Variants in SLC25A12 observed in about 807,000 individuals in gnomAD.
The protein encoded by SLC25A12 is electrogenic aspartate/glutamate antiporter SLC25A12, mitochondrial.
Under a neutral mutation model 83.3 loss-of-function variants are expected in SLC25A12, and 32 were observed. The ratio of observed to expected loss-of-function variants is 0.38; its 90% CI spans 0.29 to 0.52. The LOEUF is 0.52. SLC25A12 is among the 20% of genes least tolerant of loss of function. The probability of loss-of-function intolerance (pLI) is 0.84; values close to 1 mark genes in which losing one functional copy is unlikely to be tolerated. For missense variants in SLC25A12, 611 were observed against 835.6 expected (o/e 0.73, Z 3.31); for synonymous variants, 267 against 291.1 (o/e 0.92, Z 0.84).
chr2:171,809,380 T>G, intron 13 of SLC25A12: 1 of 551,122 alleles, frequency 1.8e-6, no homozygotes, highest in South Asian at 2.1e-5. Context: ...TTTCCTGACT[T>G]TTTAATGATC....
chr2:171,787,620 C>G lies in SLC25A12; in HGVS notation c.1786G>C (p.Val596Leu), dbSNP rs1211044340. 6.2e-7 allele frequency: 1 copy of G among 1,614,102 alleles called. No individual in the cohort carries two copies. The highest frequency in any genetic ancestry group is 8.5e-7 in the Non-Finnish European group (1 of 1,180,030). The change falls in exon 17 of 18, where the codon GTC becomes CTC. Residue 596 changes from valine (V) to leucine (L), a missense_variant. Transcript: ENST00000422440. The stretch of plus-strand genomic sequence containing the variant: ...CACCGCTGGAGAAGTTCATAAGTGA[C>G]CAAGGTAACACCAAACTGGGGAGAG... The part of the protein sequence containing the change: ...RSSPQFGVTL[V>L]TYELLQRWFY...
intron 9 of SLC25A12, among the ~76,000 whole-genome samples, chr2:171,817,485 C>T (rs1684077803): frequency 1.3e-5 from 2 of 150,028 alleles, no homozygotes; most frequent in South Asian, 4.2e-4. Context: ...GCCTATAATC[C>T]CAGCTACTTG....
intron 11 of SLC25A12, among the ~76,000 whole-genome samples, chr2:171,812,354 T>C (rs1683963620): frequency 6.6e-6 from 1 of 152,140 alleles, no homozygotes; most frequent in Admixed American, 6.6e-5. Flanking sequence ...CAGTCTTTCT[T>C]AGGAAGATTT....
intron 6 of SLC25A12, among the ~76,000 whole-genome samples, chr2:171,835,364 T>G (rs926711971): frequency 6.6e-6 from 1 of 152,236 alleles, no homozygotes; most frequent in Non-Finnish European, 1.5e-5. Context: ...ACTGTTATAA[T>G]TAAAATACTT....
At chr2:171,843,761 A>ATAAAGAGGGAG (rs1423864943) in intron 5 of SLC25A12, among the ~76,000 whole-genome samples, 3 of 151,530 alleles carry the variant, frequency 2.0e-5, no homozygotes, top group African/African-American at 7.3e-5. Context: ...CAAGTCTGTG[A>ATAAAGAGGGAG]TAAAGAGGGA....
In SLC25A12 at chr2:171,798,958, T is replaced by C. The variant is rs1683656354; in HGVS notation, c.1306-5191A>G. Among the ~76,000 whole-genome samples, 3 of 152,318 alleles carry C rather than the reference T, an allele frequency of 2.0e-5. 1 individual carries two copies. The South Asian group carries it at 6.2e-4, about 32-fold the overall frequency. Reference sequence around the variant, plus strand: ...TGATTAAGTCATGATGGTTCTGCCCTAGTGAATGGGATTAGTGCCCTTATA... The same window carrying C: ...TGATTAAGTCATGATGGTTCTGCCCCAGTGAATGGGATTAGTGCCCTTATA... On this transcript the variant is annotated intron_variant, in intron 13 of 17. Coordinates refer to ENST00000422440, the MANE Select transcript of SLC25A12 (RefSeq NM_003705.5).
Position 171,815,775 on chromosome 2 carries a change from AG to A in SLC25A12, c.931-574del, listed in dbSNP as rs1335762189. On this transcript the variant is annotated intron_variant, in intron 9 of 17. Transcript: ENST00000422440. ...CACAGGTATCCCACAGCATAAAGAA[AG>A]GATCTAAGATAACTTGTCTATACTA... Among the ~76,000 whole-genome samples the A allele has an allele frequency of 2.6e-5, 4 of 152,262 alleles. No homozygotes were observed. In the South Asian group the frequency reaches 6.2e-4, roughly 24 times the overall value.
chr2:171,872,523 G>C (rs1191439317), intron 2 of SLC25A12, among the ~76,000 whole-genome samples: 1 of 152,132 alleles, frequency 6.6e-6, no homozygotes, highest in Admixed American at 6.5e-5. Context: ...TGGATACAAG[G>C]AAGTCTAAAA....
At chr2:171,849,523 TTGTC>T (rs71013081) in intron 4 of SLC25A12, among the ~76,000 whole-genome samples, 41,965 of 149,200 alleles carry the variant, frequency 0.28, 6,240 homozygotes, top group African/African-American at 0.36. Flanking sequence ...ATGAAAGTCT[TTGTC>T]TGTCACGCAG....
At position 171,876,937 on chromosome 2, in the gene SLC25A12, A is replaced by T. The variant is rs558571413; in HGVS notation, c.67-8114T>A. Among the ~76,000 whole-genome samples the T allele has an allele frequency of 2.0e-5, 3 of 152,342 alleles. No individual in the cohort carries two copies. The East Asian group carries it at 5.8e-4, about 29-fold the overall frequency. ...GACATAAAGTAGCTGACAGTATCTG[A>T]AATGTATCTGAAATAGCTGGTCCAT... On this transcript the variant is annotated intron_variant, in intron 2 of 17. Transcript: ENST00000422440.
intron 13 of SLC25A12, among the ~76,000 whole-genome samples, chr2:171,808,662 G>A (rs2105857537): frequency 6.6e-6 from 1 of 152,266 alleles, no homozygotes; most frequent in Non-Finnish European, 1.5e-5. Flanking sequence ...TAATGCTTTA[G>A]GAGCATCAAA....
chr2:171,871,193 C>G (rs750579152), intron 2 of SLC25A12, among the ~76,000 whole-genome samples: 2 of 152,042 alleles, frequency 1.3e-5, no homozygotes, highest in African/African-American at 4.8e-5. Flanking sequence ...CAGAGCAAGA[C>G]CCTGTCCAAA....
chr2:171,829,537 G>A (rs982631959), intron 8 of SLC25A12, among the ~76,000 whole-genome samples: 1 of 152,100 alleles, frequency 6.6e-6, no homozygotes, highest in Non-Finnish European at 1.5e-5. Flanking sequence ...CTCACATTCA[G>A]AGGGGAACAC....
Position 171,844,516 on chromosome 2 carries a change from G to T in SLC25A12, c.326-8C>A. 6.5e-7 allele frequency: 1 copy of T among 1,538,370 alleles called. No individual in the cohort carries two copies. The highest frequency in any genetic ancestry group is 9.0e-7 in the Non-Finnish European group (1 of 1,111,846). On this transcript the variant is annotated splice_polypyrimidine_tract_variant and splice_region_variant and intron_variant, in intron 4 of 17. Transcript: ENST00000422440. ...AAATTTCTTTGACATTTTCTTAAAA[G>T]GGAAAACAAAAATAAATCAATTATA... is the stretch of plus-strand genomic sequence containing the variant.
chr2:171,863,601 C>T (rs1190783744), intron 3 of SLC25A12, among the ~76,000 whole-genome samples: 1 of 151,550 alleles, frequency 6.6e-6, no homozygotes, highest in African/African-American at 2.4e-5. Context: ...CCACATGAAG[C>T]TTCAAAGAAG....
chr2:171,814,455 G>A (rs1684007253), intron 10 of SLC25A12, among the ~76,000 whole-genome samples: 1 of 151,776 alleles, frequency 6.6e-6, no homozygotes, highest in African/African-American at 2.4e-5. Context: ...ATTTCACGAG[G>A]TTCTGGGATT....
intron 7 of SLC25A12, 140 bp downstream of exon 7, chr2:171,834,587 G>C: frequency 1.0e-6 from 1 of 956,504 alleles, no homozygotes; most frequent in South Asian, 1.5e-5. Flanking sequence ...GATTTTTGGA[G>C]CCCAAGTAAA....
intron 2 of SLC25A12, among the ~76,000 whole-genome samples, chr2:171,874,007 C>T (rs76353413): frequency 6.6e-6 from 1 of 152,064 alleles, no homozygotes; most frequent in Non-Finnish European, 1.5e-5. Flanking sequence ...AGGGGGATCA[C>T]CTGAGGTCCG....
At chr2:171,830,735 G>C (rs1205889272) in intron 8 of SLC25A12, among the ~76,000 whole-genome samples, 2 of 152,092 alleles carry the variant, frequency 1.3e-5, no homozygotes, top group Non-Finnish European at 2.9e-5. Flanking sequence ...CACTGGCCTC[G>C]AACTCCTGAC....
Sources: gnomAD v4.1 joint callset for allele counts (sites outside exome capture counted in the v4.1 genomes callset) on GRCh38, gnomAD v4.1.1 for gene constraint, MANE v1.5 for transcripts, NCBI Gene and HGNC (gene_info 2026-07-23, HGNC 2026-07-21) for gene names.